STXBP5L: variants seen among roughly 807,000 people sequenced by gnomAD.
STXBP5L encodes syntaxin binding protein 5L.
A neutral mutation model predicts 144.5 loss-of-function variants in STXBP5L; 65 were observed. The ratio of observed to expected loss-of-function variants is 0.45; its 90% CI spans 0.37 to 0.55. The LOEUF (loss-of-function observed/expected upper bound fraction) is 0.55, where lower values mean the gene tolerates loss of function less well. Among genes scored for constraint, STXBP5L ranks in the 20% least tolerant of loss-of-function variants. STXBP5L has a pLI of 0.00. For synonymous variants in STXBP5L, 505 were observed against 469.6 expected, an observed-to-expected ratio of 1.08 and a Z score of -0.97; for missense variants, 1,298 against 1,405.5, an observed-to-expected ratio of 0.92 and a Z score of 1.22.
intron 3 of STXBP5L, among the ~76,000 whole-genome samples, chr3:121,005,543 C>T (rs888123808): frequency 6.6e-6 from 1 of 152,100 alleles, no homozygotes; most frequent in Admixed American, 6.5e-5. Context: ...TTTTGTGTCT[C>T]TATTTCCTTC....
intron 5 of STXBP5L, among the ~76,000 whole-genome samples, chr3:121,055,199 A>T (rs1423629248): frequency 2.0e-5 from 3 of 152,178 alleles, no homozygotes; most frequent in Admixed American, 6.5e-5. Context: ...AATATTCATT[A>T]TGATCATAAC....
intron 2 of STXBP5L, among the ~76,000 whole-genome samples, chr3:120,946,543 A>G (rs1710865424): frequency 6.6e-6 from 1 of 151,732 alleles, no homozygotes; most frequent in African/African-American, 2.4e-5. Context: ...TATCTGCTGA[A>G]CTAAAACTTC....
At chr3:121,096,681 C>T (rs925276998) in intron 5 of STXBP5L, among the ~76,000 whole-genome samples, 7 of 151,162 alleles carry the variant, frequency 4.6e-5, no homozygotes, top group Admixed American at 2.0e-4. Context: ...TGCATAACAG[C>T]GAAAGAAAAA....
intron 9 of STXBP5L, among the ~76,000 whole-genome samples, chr3:121,184,251 T>A (rs1225050742): frequency 6.6e-6 from 1 of 151,560 alleles, no homozygotes; most frequent in Admixed American, 6.6e-5. Flanking sequence ...AGAAGATGGG[T>A]AATAACAAAC....
intron 9 of STXBP5L, among the ~76,000 whole-genome samples, chr3:121,171,591 C>T (rs1238098210): frequency 6.6e-6 from 1 of 152,158 alleles, no homozygotes; most frequent in Non-Finnish European, 1.5e-5. Context: ...AGTGAACTCT[C>T]ATTCACAACT....
At chr3:121,037,175 A>G (rs1946818768) in intron 3 of STXBP5L, among the ~76,000 whole-genome samples, 1 of 150,508 alleles carries the variant, frequency 6.6e-6, no homozygotes, top group Non-Finnish European at 1.5e-5. Flanking sequence ...TCAAGCAATC[A>G]TTCTGCTTTG....
At chr3:121,305,214 A>G (rs1362560241) in intron 19 of STXBP5L, among the ~76,000 whole-genome samples, 2 of 152,180 alleles carry the variant, frequency 1.3e-5, no homozygotes, top group African/African-American at 4.8e-5. Flanking sequence ...AGGTGGCTGC[A>G]CTTGTTAATG....
chr3:121,173,094 G>A lies in STXBP5L; in HGVS notation c.877+15467G>A, dbSNP rs1028066342. 3.9e-5 allele frequency among the ~76,000 whole-genome samples: 6 copies of A among 151,964 alleles called. No homozygotes were observed. The East Asian group carries it at 1.2e-3, about 29-fold the overall frequency. On this transcript the variant is annotated intron_variant, in intron 9 of 26. Coordinates refer to ENST00000471454, the MANE Select transcript of STXBP5L (RefSeq NM_001308330.2). ...ACACAAGAACAGAAAACCAAACACC[G>A]CATGTTCTCACTCATAATTGGGAGT...
chr3:121,017,787 TGGG>T (rs139321003), intron 3 of STXBP5L, among the ~76,000 whole-genome samples: 14 of 151,706 alleles, frequency 9.2e-5, no homozygotes, highest in South Asian at 6.3e-4. Flanking sequence ...TCTAAATAAA[TGGG>T]GGGGTGGTGA....
chr3:121,058,245 G>A (rs1196814139), intron 5 of STXBP5L, among the ~76,000 whole-genome samples: 1 of 152,132 alleles, frequency 6.6e-6, no homozygotes, highest in Non-Finnish European at 1.5e-5. Context: ...CTGTTCTTGT[G>A]TTAGTTTGCT....
intron 24 of STXBP5L, among the ~76,000 whole-genome samples, 177 bp downstream of exon 24, chr3:121,413,500 G>A (rs527578405): frequency 1.3e-5 from 2 of 152,244 alleles, no homozygotes; most frequent in African/African-American, 4.8e-5. Context: ...TCTAGGTATT[G>A]CACAGAAATA....
intron 19 of STXBP5L, among the ~76,000 whole-genome samples, chr3:121,283,336 T>C (rs2051123226): frequency 6.6e-6 from 1 of 151,966 alleles, no homozygotes; most frequent in Non-Finnish European, 1.5e-5. Context: ...CTTAAAATGT[T>C]CCTGGGAATG....
At chr3:121,229,690 A>G (rs2049240316) in intron 11 of STXBP5L, among the ~76,000 whole-genome samples, 1 of 152,004 alleles carries the variant, frequency 6.6e-6, no homozygotes, top group Admixed American at 6.6e-5. Flanking sequence ...CAAGTAGCTG[A>G]AACTCCAAGT....
At chr3:121,357,023 C>A (rs1272057976) in intron 20 of STXBP5L, 1 of 200,948 alleles carries the variant, frequency 5.0e-6, no homozygotes, top group South Asian at 9.9e-5. Flanking sequence ...TAGAGCCAAT[C>A]ACGTGTCATG....
chr3:121,003,699 G>C (rs1266578456), intron 3 of STXBP5L, among the ~76,000 whole-genome samples: 2 of 152,182 alleles, frequency 1.3e-5, no homozygotes, highest in African/African-American at 4.8e-5. Flanking sequence ...TAACATGTGA[G>C]TCTTTAATCC....
intron 3 of STXBP5L, among the ~76,000 whole-genome samples, chr3:120,956,203 T>G (rs1576481409): frequency 1.3e-5 from 2 of 152,048 alleles, no homozygotes; most frequent in Middle Eastern, 6.8e-3. Flanking sequence ...TTAGTTTTAA[T>G]TTTTTTAGTG....
chr3:121,212,725 A>T (rs974892351), intron 10 of STXBP5L, among the ~76,000 whole-genome samples: 7 of 152,162 alleles, frequency 4.6e-5, no homozygotes, highest in African/African-American at 1.7e-4. Context: ...ATGAAATTTA[A>T]AGTAGCTTTT....
In STXBP5L at chr3:121,017,789, G is replaced by C. The variant is rs529150441; in HGVS notation, c.288-23911G>C. ...AAATCATAGAAGATCTAAATAAATG[G>C]GGGGGTGGTGAAGGTGATGGTTCAT... On this transcript the variant is annotated intron_variant, in intron 3 of 26. Transcript: ENST00000471454. Among the ~76,000 whole-genome samples, 12 of 151,496 alleles carry C rather than the reference G, an allele frequency of 7.9e-5. No homozygotes were observed. The East Asian group carries it at 2.3e-3, about 29-fold the overall frequency.
At position 120,950,624 on chromosome 3, in the gene STXBP5L, C is replaced by T. The variant is rs146669296; in HGVS notation, c.190-4316C>T. On this transcript the variant is annotated intron_variant, in intron 2 of 26. Transcript: ENST00000471454. Reference sequence around the variant, plus strand: ...TATGTATACATGAGACATGCTGGTGCGCTGCACCCACTGCTCAATGAAATA... The same window carrying T: ...TATGTATACATGAGACATGCTGGTGTGCTGCACCCACTGCTCAATGAAATA... 4.7e-4 allele frequency among the ~76,000 whole-genome samples: 72 copies of T among 151,962 alleles called. 1 individual carries two copies. The highest frequency in any genetic ancestry group is 2.1e-3 in the East Asian group (11 of 5,164).
Sources: gnomAD v4.1 joint callset for allele counts (sites outside exome capture counted in the v4.1 genomes callset) on GRCh38, gnomAD v4.1.1 for gene constraint, MANE v1.5 for transcripts, NCBI Gene and HGNC (gene_info 2026-07-23, HGNC 2026-07-21) for gene names.